Variants in TAF4 observed in about 807,000 individuals in gnomAD.
TAF4 encodes the protein TATA-box binding protein associated factor 4.
TAF4 carries 9 observed loss-of-function variants against 90.3 expected under a neutral mutation model. The observed-to-expected ratio is 0.10, with a 90% CI of 0.06 to 0.17. TAF4 has a LOEUF of 0.17. Among genes scored for constraint, TAF4 ranks in the 10% least tolerant of loss-of-function variants. The probability of loss-of-function intolerance (pLI) is 1.00; values close to 1 mark genes in which losing one functional copy is unlikely to be tolerated. For synonymous variants in TAF4, 818 were observed against 638.9 expected, an observed-to-expected ratio of 1.28 and a Z score of -4.23; for missense variants, 1,351 against 1,370.7, an observed-to-expected ratio of 0.99 and a Z score of 0.23.
At chr20:61,982,812 G>A (rs1376157343) in intron 14 of TAF4, among the ~76,000 whole-genome samples, 1 of 152,260 alleles carries the variant, frequency 6.6e-6, no homozygotes, top group Non-Finnish European at 1.5e-5. Flanking sequence ...CGACGGCAGG[G>A]CTGCCGGGGA....
At chr20:62,055,817 T>C (rs1228986986) in intron 1 of TAF4, among the ~76,000 whole-genome samples, 4 of 152,316 alleles carry the variant, frequency 2.6e-5, no homozygotes, top group Admixed American at 2.6e-4. Flanking sequence ...TCTGTTTGCC[T>C]GTTAACTGCC....
chr20:62,012,737 A>G, intron 3 of TAF4, 78 bp downstream of exon 3: 2 of 1,425,094 alleles, frequency 1.4e-6, no homozygotes, highest in Non-Finnish European at 1.8e-6. Flanking sequence ...AAAAACTCCT[A>G]AGGCCTGATC....
chr20:62,009,208 C>A, intron 4 of TAF4, 34 bp from the exon 5 acceptor site: 2 of 1,577,128 alleles, frequency 1.3e-6, no homozygotes, highest in African/African-American at 1.4e-5. Flanking sequence ...AGTGAAAAAT[C>A]TTAAAAGGCA....
In TAF4 at chr20:62,065,696, GGGCCGCGCT is replaced by G. The variant is rs1439982572; in HGVS notation, c.106_114del (p.Ser36_Ala38del). The G allele has an allele frequency of 7.9e-7, 1 of 1,264,644 alleles. No individual in the cohort carries two copies. The highest frequency in any genetic ancestry group is 3.0e-5 in the Admixed American group (1 of 33,754). The allele number at this position is 1,264,644 out of a possible 1,614,324, so 78.3% of individuals were successfully genotyped here. A position where few individuals can be genotyped will look rare whatever the true frequency, so the allele number is the denominator to read the frequency against. Reference sequence around the variant, plus strand: ...GTGCGCGGCGCGAGGTGGTGGTGGTGGGCCGCGCTGGCCGCCAGCTGCGACTCCAGCGAG... The same window carrying G: ...GTGCGCGGCGCGAGGTGGTGGTGGTGGGCCGCCAGCTGCGACTCCAGCGAG... On this transcript the variant is annotated inframe_deletion, in exon 1 of 15. Coordinates refer to ENST00000252996, the MANE Select transcript of TAF4 (RefSeq NM_003185.4).
chr20:62,001,013 C>T (rs866923722), intron 9 of TAF4, among the ~76,000 whole-genome samples: 10 of 152,222 alleles, frequency 6.6e-5, no homozygotes, highest in Non-Finnish European at 8.8e-5. Flanking sequence ...CCGGGAGCAG[C>T]GCGGGGACTT....
intron 1 of TAF4, among the ~76,000 whole-genome samples, chr20:62,022,866 C>G (rs538896638): frequency 3.9e-5 from 6 of 152,082 alleles, no homozygotes; most frequent in East Asian, 1.9e-4. Context: ...TTGCAGCCCC[C>G]CCCCCGCACA....
chr20:62,063,738 G>A (rs1313678786), intron 1 of TAF4, among the ~76,000 whole-genome samples: 1 of 152,242 alleles, frequency 6.6e-6, no homozygotes, highest in Non-Finnish European at 1.5e-5. Context: ...ACGCAGCTCT[G>A]GAAGAGACAG....
At chr20:62,056,676 A>G (rs750250302) in intron 1 of TAF4, among the ~76,000 whole-genome samples, 15 of 152,258 alleles carry the variant, frequency 9.9e-5, no homozygotes, top group Non-Finnish European at 1.6e-4. Flanking sequence ...AGAAAAACAC[A>G]GAAGCAGATA....
intron 1 of TAF4, among the ~76,000 whole-genome samples, chr20:62,024,342 A>C: frequency 6.6e-6 from 1 of 152,256 alleles, no homozygotes; most frequent in Non-Finnish European, 1.5e-5. Flanking sequence ...ACAGGAGAAC[A>C]TTTCTCTGAC....
At chr20:61,994,921 C>G (rs2055654109) in intron 14 of TAF4, among the ~76,000 whole-genome samples, 1 of 152,192 alleles carries the variant, frequency 6.6e-6, no homozygotes, top group Non-Finnish European at 1.5e-5. Flanking sequence ...AAGGATCACA[C>G]CCTAGAGTAA....
chr20:62,004,312 TTTTTTC>T (rs1177977055), intron 7 of TAF4, among the ~76,000 whole-genome samples: 1 of 140,176 alleles, frequency 7.1e-6, no homozygotes, highest in African/African-American at 2.6e-5. Context: ...CTGAATTTTC[TTTTTTC>T]TTTTCTTTTC....
At chr20:62,037,184 G>C (rs1285139078) in intron 1 of TAF4, among the ~76,000 whole-genome samples, 2 of 151,976 alleles carry the variant, frequency 1.3e-5, no homozygotes, top group Non-Finnish European at 2.9e-5. Flanking sequence ...AAGACAGACT[G>C]CCTCCCCCAA....
intron 11 of TAF4, among the ~76,000 whole-genome samples, 156 bp from the exon 12 acceptor site, chr20:61,999,264 G>A (rs940504414): frequency 2.6e-5 from 4 of 152,056 alleles, no homozygotes; most frequent in African/African-American, 2.4e-5. Flanking sequence ...CAAATGCTGC[G>A]CCCGAGAGCT....
intron 14 of TAF4, among the ~76,000 whole-genome samples, chr20:61,976,786 G>A (rs2055497430): frequency 6.6e-6 from 1 of 152,224 alleles, no homozygotes; most frequent in South Asian, 2.1e-4. Flanking sequence ...CCTGGGGTTG[G>A]CTGGGACTGG....
intron 1 of TAF4, among the ~76,000 whole-genome samples, chr20:62,036,039 A>C (rs2055930805): frequency 6.6e-6 from 1 of 151,596 alleles, no homozygotes; most frequent in Admixed American, 6.6e-5. Flanking sequence ...TTTTTTAAAA[A>C]AAAAAAAGAG....
chr20:62,023,023 C>T (rs79276369), intron 1 of TAF4, among the ~76,000 whole-genome samples: 4,051 of 152,324 alleles, frequency 0.027, 187 homozygotes, highest in African/African-American at 0.093. Context: ...ATGTCAACTC[C>T]TCCCAAACTG....
chr20:62,029,475 TGCGC>T (rs369403106), intron 1 of TAF4, among the ~76,000 whole-genome samples: 5 of 143,762 alleles, frequency 3.5e-5, no homozygotes, highest in South Asian at 2.3e-4. Flanking sequence ...AGTGCCCACG[TGCGC>T]GCGCGCGCAC....
intron 1 of TAF4, among the ~76,000 whole-genome samples, chr20:62,015,765 C>T (rs1728562894): frequency 6.6e-6 from 1 of 152,138 alleles, no homozygotes; most frequent in South Asian, 2.1e-4. Context: ...GACAAATGAG[C>T]GTGGGGCTTC....
chr20:62,065,286 C>A lies in TAF4; in HGVS notation c.525G>T (p.Gly175=), dbSNP rs1314342593. 16 of 875,140 alleles carry A rather than the reference C, an allele frequency of 1.8e-5. No homozygotes were observed. The highest frequency in any genetic ancestry group is 2.1e-5 in the Non-Finnish European group (16 of 744,548). The allele number at this position is 875,140 out of a possible 1,614,324, so 54.2% of individuals were successfully genotyped here. A position where few individuals can be genotyped will look rare whatever the true frequency, so the allele number is the denominator to read the frequency against. The change falls in exon 1 of 15, where the codon GGG becomes GGT. Residue 175 remains glycine (G), a synonymous_variant. Transcript: ENST00000252996. ...ALAARAGPGP[G]PGPGPGPGPG... is the part of the protein sequence containing the mutation. ...GGCCGGGGCCGGGGCCGGGGCCGGG[C>A]CCGGGGCCGGGGCCGGCGCGGGCGG...
Sources: allele counts gnomAD v4.1 joint callset (sites outside exome capture counted in the v4.1 genomes callset), GRCh38; gene constraint gnomAD v4.1.1; transcripts MANE v1.5; gene names NCBI Gene and HGNC (gene_info 2026-07-23, HGNC 2026-07-21).